Variants in BARD1 observed in about 807,000 individuals in gnomAD.
BARD1 encodes the protein BRCA1-associated RING domain protein 1.
In BARD1, 73 loss-of-function variants were observed where a neutral mutation model predicts 77.0. The observed-to-expected ratio is 0.95, with a 90% CI of 0.79 to 1.15. The LOEUF (loss-of-function observed/expected upper bound fraction) is 1.15. Ranked by LOEUF, BARD1 falls within the 50% of genes most tolerant of loss-of-function variation. The pLI, the probability that BARD1 is intolerant of heterozygous loss-of-function variation, is 0.00. For missense variants in BARD1, 993 were observed against 938.8 expected (o/e 1.06, Z -0.75); for synonymous variants, 384 against 338.0 (o/e 1.14, Z -1.49).
At chr2:214,806,871 C>G in intron 1 of BARD1, among the ~76,000 whole-genome samples, 1 of 25,422 alleles carries the variant, frequency 3.9e-5, no homozygotes, top group South Asian at 2.8e-3. Context: ...GAAACTTTGC[C>G]TAGGGAAAAA....
At chr2:214,783,652 C>T (rs1364368290) in intron 3 of BARD1, among the ~76,000 whole-genome samples, 1 of 151,900 alleles carries the variant, frequency 6.6e-6, no homozygotes, top group Non-Finnish European at 1.5e-5. Flanking sequence ...ATAGGTGCGG[C>T]AAACCATTGT....
chr2:214,760,861 G>A (rs1481082348), intron 6 of BARD1, among the ~76,000 whole-genome samples: 33 of 149,598 alleles, frequency 2.2e-4, no homozygotes, highest in Middle Eastern at 3.4e-3. Flanking sequence ...TGCAACCTCC[G>A]CCTCCCGGGT....
intron 6 of BARD1, among the ~76,000 whole-genome samples, chr2:214,758,416 C>T (rs1370780083): frequency 6.6e-6 from 1 of 152,106 alleles, no homozygotes; most frequent in Non-Finnish European, 1.5e-5. Flanking sequence ...TTTTGGAAGA[C>T]AGATACAGAA....
In BARD1 at chr2:214,792,277, G is replaced by C; in HGVS notation, c.364+20C>G. The C allele has an allele frequency of 1.2e-6, 2 of 1,611,112 alleles. No individual in the cohort carries two copies. The highest frequency in any genetic ancestry group is 1.1e-5 in the South Asian group (1 of 90,894). On this transcript the variant is annotated intron_variant, in intron 3 of 10. Coordinates refer to ENST00000260947, the MANE Select transcript of BARD1 (RefSeq NM_000465.4). ...TTTTAACTGATGAATTTAACTAAGA[G>C]AGATAGGGATAGTTCTTACCTGACA...
chr2:214,737,445 A>G (rs1692615301), intron 9 of BARD1, among the ~76,000 whole-genome samples: 1 of 152,006 alleles, frequency 6.6e-6, no homozygotes, highest in Admixed American at 6.6e-5. Context: ...GTTCATCTTT[A>G]TTTTTAGTTG....
chr2:214,766,785 A>G (rs1415526864), intron 6 of BARD1, among the ~76,000 whole-genome samples: 2 of 152,166 alleles, frequency 1.3e-5, no homozygotes, highest in Admixed American at 1.3e-4. Context: ...TGTTTTACCT[A>G]TATTACTTAT....
chr2:214,773,636 T>TTA (rs1559416466), intron 4 of BARD1, among the ~76,000 whole-genome samples: 2 of 150,372 alleles, frequency 1.3e-5, no homozygotes, highest in Admixed American at 1.3e-4. Context: ...TTATGTTTTT[T>TTA]AAAAAAAATG....
chr2:214,765,173 T>C (rs1290069978), intron 6 of BARD1, among the ~76,000 whole-genome samples: 1 of 152,200 alleles, frequency 6.6e-6, no homozygotes, highest in Non-Finnish European at 1.5e-5. Context: ...ATGTCCAGCA[T>C]AGATATAAAC....
chr2:214,746,875 A>G (rs923528641), intron 7 of BARD1, among the ~76,000 whole-genome samples: 1 of 152,152 alleles, frequency 6.6e-6, no homozygotes, highest in Non-Finnish European at 1.5e-5. Context: ...TAAACTAAAG[A>G]GCTTCTGCAC....
chr2:214,796,372 T>C (rs1326345272), intron 2 of BARD1, among the ~76,000 whole-genome samples: 1 of 152,154 alleles, frequency 6.6e-6, no homozygotes, highest in African/African-American at 2.4e-5. Flanking sequence ...ACGATCAAGT[T>C]AAGATGAGAA....
rs762744738 is a variant in BARD1, at chr2:214,728,525, T to C, written c.*151A>G. 1.5e-6 allele frequency: 1 copy of C among 688,802 alleles called. No homozygotes were observed. Among genetic ancestry groups the C allele is most frequent in the Non-Finnish European group, 2.3e-6 (1 of 436,156 alleles). 42.7% of individuals were successfully genotyped at this position (688,802 alleles called of 1,614,324 possible). ...TGGTAAACATAACATGAATTCCTAA[T>C]CTGGCATTAGACTTTTTTTTTTTTT... On this transcript the variant is annotated 3_prime_UTR_variant, in exon 11 of 11. Transcript: ENST00000260947.
At chr2:214,733,772 A>G (rs990802345) in intron 9 of BARD1, among the ~76,000 whole-genome samples, 23 of 152,304 alleles carry the variant, frequency 1.5e-4, no homozygotes, top group African/African-American at 5.3e-4. Context: ...AATTACATCC[A>G]TGTTTTAAAG....
intron 4 of BARD1, among the ~76,000 whole-genome samples, chr2:214,770,817 C>T (rs1190019285): frequency 6.6e-6 from 1 of 152,188 alleles, no homozygotes; most frequent in South Asian, 2.1e-4. Context: ...CTCAGGTAGT[C>T]TGCCCTCCCA....
intron 6 of BARD1, among the ~76,000 whole-genome samples, chr2:214,757,510 A>G (rs1693748012): frequency 6.6e-6 from 1 of 152,158 alleles, no homozygotes; most frequent in Non-Finnish European, 1.5e-5. Flanking sequence ...GATAGAACCT[A>G]TGTGAAAATG....
chr2:214,768,924 G>A (rs1694342879), intron 5 of BARD1, among the ~76,000 whole-genome samples: 1 of 152,174 alleles, frequency 6.6e-6, no homozygotes, highest in Non-Finnish European at 1.5e-5. Flanking sequence ...CCAGTGACAT[G>A]CAGTGCTACA....
chr2:214,762,276 A>G (rs1222393183), intron 6 of BARD1, among the ~76,000 whole-genome samples: 2 of 152,214 alleles, frequency 1.3e-5, no homozygotes, highest in African/African-American at 4.8e-5. Context: ...AGTCTTGAGA[A>G]CCATCCCTAA....
intron 6 of BARD1, among the ~76,000 whole-genome samples, chr2:214,766,505 T>C (rs979491809): frequency 6.6e-6 from 1 of 152,196 alleles, no homozygotes. Context: ...ATTTTTCCAT[T>C]AAATGAAAGC....
chr2:214,807,066 T>C (rs1411178767), intron 1 of BARD1, among the ~76,000 whole-genome samples: 1 of 152,064 alleles, frequency 6.6e-6, no homozygotes, highest in Non-Finnish European at 1.5e-5. Flanking sequence ...TTTTAAGAGA[T>C]GTAAAAATAA....
chr2:214,805,430 G>C (rs139618052), intron 1 of BARD1, among the ~76,000 whole-genome samples: 1 of 152,250 alleles, frequency 6.6e-6, no homozygotes, highest in East Asian at 1.9e-4. Context: ...TCCATTTGGG[G>C]ATCACTGCTC....
Sources: gnomAD v4.1 joint callset for allele counts (sites outside exome capture counted in the v4.1 genomes callset) on GRCh38, gnomAD v4.1.1 for gene constraint, MANE v1.5 for transcripts, NCBI Gene and HGNC (gene_info 2026-07-23, HGNC 2026-07-21) for gene names.